Variants in PRPF40B observed in about 807,000 individuals in gnomAD.
PRPF40B encodes the protein pre-mRNA processing factor 40B, also known as pre-mRNA-processing factor 40 homolog B.
Under a neutral mutation model 124.5 loss-of-function variants are expected in PRPF40B, and 56 were observed. The ratio of observed to expected loss-of-function variants is 0.45; its 90% CI spans 0.36 to 0.56. The LOEUF (loss-of-function observed/expected upper bound fraction) is 0.56, where lower values mean the gene tolerates loss of function less well. Ranked by LOEUF, PRPF40B falls within the 20% of genes least tolerant of loss-of-function variation. The probability of loss-of-function intolerance (pLI) is 0.00; values close to 1 mark genes in which losing one functional copy is unlikely to be tolerated. For synonymous variants in PRPF40B, 443 were observed against 426.4 expected (o/e 1.04, Z -0.48); for missense variants, 1,053 against 1,169.5 (o/e 0.90, Z 1.45).
intron 18 of PRPF40B, chr12:49,639,172 G>A (rs914746976): frequency 2.0e-5 from 3 of 152,136 alleles, no homozygotes; most frequent in Non-Finnish European, 4.4e-5. Flanking sequence ...CAGATTAGAT[G>A]GTGTATAGTA....
chr12:49,634,437 G>A lies in PRPF40B; in HGVS notation c.918G>A (p.Lys306=). 6.2e-7 allele frequency: 1 copy of A among 1,614,164 alleles called. No individual in the cohort carries two copies. Among genetic ancestry groups the A allele is most frequent in the Non-Finnish European group, 8.5e-7 (1 of 1,179,988 alleles). Residue 306 remains lysine (K), a synonymous_variant, in exon 11 of 26, where the codon AAG becomes AAA. Coordinates refer to ENST00000548825, the MANE Select transcript of PRPF40B (RefSeq NM_001031698.3). ...SNREKAKQAF[K]ELLRDKAVPS... is the part of the protein sequence containing the mutation. The stretch of plus-strand genomic sequence containing the variant: ...GGGAGAAGGCAAAGCAGGCATTCAA[G>A]GAACTGCTGAGGGACAAGGTGCTGG...
intron 15 of PRPF40B, 69 bp from the exon 16 acceptor site, chr12:49,636,647 T>C: frequency 6.2e-7 from 1 of 1,600,062 alleles, no homozygotes; most frequent in Non-Finnish European, 8.6e-7. Flanking sequence ...GTTGAAACAT[T>C]AGGGGTGCTG....
rs776127111 is a variant in PRPF40B, at chr12:49,637,535, T to C, written c.1626T>C (p.Tyr542=). 1 of 1,613,964 alleles carries C rather than the reference T, an allele frequency of 6.2e-7. No homozygotes were observed. The highest frequency in any genetic ancestry group is 8.5e-7 in the Non-Finnish European group (1 of 1,180,044). ...LHSMSTWMEL[Y]PAVSTDVRFA... Reference sequence around the variant, plus strand: ...CTATGTCCACCTGGATGGAGCTATATCCAGCAGTCAGCACTGATGTCCGCT... The same window carrying C: ...CTATGTCCACCTGGATGGAGCTATACCCAGCAGTCAGCACTGATGTCCGCT... The change falls in exon 17 of 26, where the codon TAT becomes TAC. Residue 542 remains tyrosine (Y), a synonymous_variant. Transcript: ENST00000548825.
rs1374842542 is a variant in PRPF40B at position 49,634,316 on chromosome 12, C to G, written c.813-16C>G. 6.2e-7 allele frequency: 1 copy of G among 1,613,920 alleles called. No individual in the cohort carries two copies. Among genetic ancestry groups the G allele is most frequent in the African/African-American group, 1.3e-5 (1 of 74,912 alleles). On this transcript the variant is annotated splice_polypyrimidine_tract_variant and intron_variant, in intron 10 of 25. Transcript: ENST00000548825. ...GAGCTGGGGGACCCTGTGGCTGAGT[C>G]CCCTGTGCCCTCCAGTTCTGGACAG... is the stretch of plus-strand genomic sequence containing the variant.
At position 49,644,204 on chromosome 12, in the gene PRPF40B, G is replaced by A; in HGVS notation, c.*12G>A. ...ATGATCACCAGTGACCCAATGAGCT[G>A]TTCTCTGCCTCGGGTCTGTGTGAGG... On this transcript the variant is annotated 3_prime_UTR_variant, in exon 26 of 26. Transcript: ENST00000548825. 3 of 1,613,968 alleles carry A rather than the reference G, an allele frequency of 1.9e-6. No individual in the cohort carries two copies. Among genetic ancestry groups the A allele is most frequent in the South Asian group, 2.2e-5 (2 of 91,082 alleles).
At position 49,631,534 on chromosome 12, in the gene PRPF40B, C is replaced by T. The variant is rs1941226714; in HGVS notation, c.218C>T (p.Pro73Leu). 6.4e-7 allele frequency: 1 copy of T among 1,551,648 alleles called. No homozygotes were observed. The highest frequency in any genetic ancestry group is 2.3e-5 in the East Asian group (1 of 44,212). The change falls in exon 3 of 26, where the codon CCA becomes CTA. Residue 73 changes from proline to leucine, a missense_variant. Physicochemically the swap from Pro to Leu is moderately conservative, Grantham distance 98 (BLOSUM62 -3). Coordinates refer to ENST00000548825, the MANE Select transcript of PRPF40B (RefSeq NM_001031698.3). This position sits in a 1 kb window ranked among gnomAD's most constrained non-coding sequence, Gnocchi z 4.3. ...CTTCCACCAATGGGGGCGCCACCAC[C>T]ACTCACACAGGTAATTGTCTCTCCT... ...PMLPPMGAPP[P>L]LTQIPGMVPP... is the part of the protein sequence containing the mutation.
At chr12:49,636,907 T>C (rs2138537432) in intron 16 of PRPF40B, 58 bp downstream of exon 16, 1 of 1,608,082 alleles carries the variant, frequency 6.2e-7, no homozygotes, top group Admixed American at 1.7e-5. Context: ...CACAACCTCT[T>C]CACCCATTCC....
rs367823648 is a variant in PRPF40B, at chr12:49,635,366, C to T, written c.1168C>T (p.Arg390Trp). ...ACTCACAGCTTATATGCTCCACAGG[C>T]GGGCAGAACAGACCTTTGGGGAGCT... ...ERMTSTTRYR[R>W]AEQTFGELEV... The change falls in exon 14 of 26, where the codon CGG becomes TGG. Residue 390 changes from arginine (R) to tryptophan (W), a missense_variant and splice_region_variant. Transcript: ENST00000548825. The surrounding 1 kb of genome is among the most constrained non-coding windows in gnomAD (Gnocchi z 4.1). The T allele has an allele frequency of 1.1e-5, 17 of 1,612,572 alleles. No individual in the cohort carries two copies. The highest frequency in any genetic ancestry group is 8.9e-5 in the East Asian group (4 of 44,886).
rs1273791615 is a variant in PRPF40B at position 49,635,878 on chromosome 12, G to A, written c.1311G>A (p.Gln437=). The A allele has an allele frequency of 6.2e-7, 1 of 1,613,970 alleles. No individual in the cohort carries two copies. Among genetic ancestry groups the A allele is most frequent in the South Asian group, 1.1e-5 (1 of 91,070 alleles). Residue 437 remains glutamine (Q), a synonymous_variant, in exon 15 of 26, where the codon CAG becomes CAA. Coordinates refer to ENST00000548825, the MANE Select transcript of PRPF40B (RefSeq NM_001031698.3). The surrounding 1 kb of genome is among the most constrained non-coding windows in gnomAD (Gnocchi z 4.1). ...AGCAGCTCCGGCGCCGCAATATCCA[G>A]GCCCTAAAGAGCATCCTGGATGGGA... ...QAKQLRRRNI[Q]ALKSILDGMS...
Position 49,634,376 on chromosome 12 carries a change from C to A in PRPF40B, c.857C>A (p.Pro286Gln). 6.2e-7 allele frequency: 1 copy of A among 1,614,248 alleles called. No homozygotes were observed. The highest frequency in any genetic ancestry group is 2.2e-5 in the East Asian group (1 of 44,890). Residue 286 changes from proline to glutamine, a missense_variant, in exon 11 of 26, where the codon CCA (proline) becomes CAA (glutamine). By Grantham distance (76) the Pro-to-Gln change is moderately conservative. This residue lies in a region of PRPF40B where 895 missense variants were observed against 1,052.2 expected (regional missense o/e 0.85). Coordinates refer to ENST00000548825, the MANE Select transcript of PRPF40B (RefSeq NM_001031698.3). The part of the protein sequence containing the change: ...QPQQEEEESK[P>Q]EPERSGLSWS... ...CAGCAGGAGGAGGAGGAATCAAAGC[C>A]AGAACCAGAGAGGTCTGGCCTCAGT...
At chr12:49,633,374 T>C in intron 7 of PRPF40B, 53 bp from the exon 8 acceptor site, 1 of 1,611,586 alleles carries the variant, frequency 6.2e-7, no homozygotes. Flanking sequence ...CTCCCCTGAC[T>C]GGCTGGAGAA....
chr12:49,628,387 A>G (rs2077503383), intron 1 of PRPF40B, among the ~76,000 whole-genome samples: 1 of 151,870 alleles, frequency 6.6e-6, no homozygotes, highest in Admixed American at 6.6e-5. Flanking sequence ...CAGCCTCCCC[A>G]GTAGCTGAGA....
Position 49,634,455 on chromosome 12 carries a change from G to A in PRPF40B, c.936G>A (p.Lys312=), listed in dbSNP as rs1398084537. 1 of 1,614,178 alleles carries A rather than the reference G, an allele frequency of 6.2e-7. No individual in the cohort carries two copies. Residue 312 remains lysine, a splice_region_variant and synonymous_variant, in exon 11 of 26, where the codon AAG becomes AAA. Transcript: ENST00000548825. ...CATTCAAGGAACTGCTGAGGGACAA[G>A]GTGCTGGAGTGGGGCTCCCAGGGAA... ...KQAFKELLRD[K]AVPSNASWEQ... is the part of the protein sequence containing the mutation.
intron 18 of PRPF40B, 58 bp downstream of exon 18, chr12:49,637,882 A>G (rs2138560581): frequency 7.1e-7 from 1 of 1,410,908 alleles, no homozygotes. Context: ...CACTCCCTGC[A>G]GAGGACTCCC....
intron 1 of PRPF40B, among the ~76,000 whole-genome samples, chr12:49,626,647 G>T (rs1936437084): frequency 1.3e-5 from 2 of 152,144 alleles, no homozygotes; most frequent in South Asian, 4.1e-4. Context: ...GAAGAGTGTG[G>T]GGCGGCCTTC....
rs937643649 is a variant in PRPF40B, at chr12:49,631,613, G to A, written c.228+69G>A. ...TTTAGCTGGGGGTGGAGATAAGAGC[G>A]GGCATGTAGGCCTCAGAAACTGGGG... On this transcript the variant is annotated intron_variant, in intron 3 of 25. Coordinates refer to ENST00000548825, the MANE Select transcript of PRPF40B (RefSeq NM_001031698.3). This position sits in a 1 kb window ranked among gnomAD's most constrained non-coding sequence, Gnocchi z 4.3. 7.6e-5 allele frequency: 114 copies of A among 1,496,562 alleles called. No individual in the cohort carries two copies. Among genetic ancestry groups the A allele is most frequent in the Non-Finnish European group, 9.4e-5 (104 of 1,111,644 alleles). The allele number at this position is 1,496,562 out of a possible 1,614,324, so 92.7% of individuals were successfully genotyped here. A position where few individuals can be genotyped will look rare whatever the true frequency, so the allele number is the denominator to read the frequency against.
Position 49,630,607 on chromosome 12 carries a change from C to T in PRPF40B, c.66C>T (p.Pro22=), listed in dbSNP as rs376633668. Residue 22 remains proline, a synonymous_variant, in exon 2 of 26, where the codon CCC becomes CCT. Transcript: ENST00000548825. ...CTGCCCCCTTCCCACCGGGGCCCCC[C>T]ATGATGCCACCACCCTTCGTAAGTT... is the stretch of plus-strand genomic sequence containing the variant. The part of the protein sequence containing the change: ...AAPAPFPPGP[P]MMPPPFMPPP... The T allele has an allele frequency of 2.2e-4, 287 of 1,319,150 alleles. No homozygotes were observed. The highest frequency in any genetic ancestry group is 3.0e-4 in the Non-Finnish European group (276 of 912,968). 81.7% of individuals were successfully genotyped at this position (1,319,150 alleles called of 1,614,324 possible).
chr12:49,643,176 G>A (rs1303612361), intron 22 of PRPF40B, 47 bp from the exon 23 acceptor site: 1 of 1,606,778 alleles, frequency 6.2e-7, no homozygotes, highest in Non-Finnish European at 8.5e-7. Context: ...AGGGCTTCTG[G>A]AGGGCAGAGA....
Position 49,630,534 on chromosome 12 carries a change from TC to T in PRPF40B, c.4-8del. 1 of 1,345,580 alleles carries T rather than the reference TC, an allele frequency of 7.4e-7. No individual in the cohort carries two copies. The highest frequency in any genetic ancestry group is 1.0e-6 in the Non-Finnish European group (1 of 956,076). 83.4% of individuals were successfully genotyped at this position (1,345,580 alleles called of 1,614,324 possible). A position where few individuals can be genotyped will look rare whatever the true frequency, so the allele number is the denominator to read the frequency against. The stretch of plus-strand genomic sequence containing the variant: ...CATCCTGGGTCCTATGACTTTTCTC[TC>T]CCTCAACAGTCGGTTCCCGATTCTG... On this transcript the variant is annotated splice_polypyrimidine_tract_variant and intron_variant, in intron 1 of 25. Transcript: ENST00000548825.
Sources: allele counts gnomAD v4.1 joint callset (sites outside exome capture counted in the v4.1 genomes callset), GRCh38; gene constraint gnomAD v4.1.1; regional missense constraint gnomAD v4.1.1; non-coding constraint Gnocchi (gnomAD v3.1); transcripts MANE v1.5; gene names NCBI Gene and HGNC (gene_info 2026-07-23, HGNC 2026-07-21).